Variants in VWF observed in about 807,000 individuals in gnomAD.
VWF encodes von Willebrand factor.
In VWF, 176 loss-of-function variants were observed where a neutral mutation model predicts 308.6. That is an observed-to-expected ratio of 0.57 (90% CI 0.50 to 0.65). The LOEUF (loss-of-function observed/expected upper bound fraction) is 0.65, where lower values mean the gene tolerates loss of function less well. VWF is among the 30% of genes least tolerant of loss of function. The probability of loss-of-function intolerance (pLI) is 0.00; values close to 1 mark genes in which losing one functional copy is unlikely to be tolerated. For missense variants in VWF, 3,146 were observed against 3,648.2 expected (o/e 0.86, Z 3.55); for synonymous variants, 1,385 against 1,443.4 (o/e 0.96, Z 0.92).
intron 5 of VWF, among the ~76,000 whole-genome samples, chr12:6,099,881 A>C (rs1014505440): frequency 2.1e-4 from 32 of 152,186 alleles, no homozygotes; most frequent in African/African-American, 7.5e-4. Flanking sequence ...CGAAAGCCAA[A>C]ATTGACAAAT....
At position 6,095,123 on chromosome 12, in the gene VWF, C is replaced by G. The variant is rs550133397; in HGVS notation, c.657+337G>C. 1.3e-4 allele frequency among the ~76,000 whole-genome samples: 20 copies of G among 152,158 alleles called. No homozygotes were observed. The South Asian group carries it at 4.1e-3, about 32-fold the overall frequency. ...TCAGGTCACAGCAAGAAGGTCCTTGCAAGACACTGAATGCTGGTACCTTGA... is the reference window on the plus strand; with the variant it reads ...TCAGGTCACAGCAAGAAGGTCCTTGGAAGACACTGAATGCTGGTACCTTGA... On this transcript the variant is annotated intron_variant, in intron 6 of 51. Transcript: ENST00000261405.
intron 40 of VWF, among the ~76,000 whole-genome samples, chr12:5,984,657 C>A (rs941295379): frequency 6.6e-6 from 1 of 152,224 alleles, no homozygotes; most frequent in African/African-American, 2.4e-5. Flanking sequence ...AGCATGAAAA[C>A]CTCTAGCAAA....
intron 47 of VWF, among the ~76,000 whole-genome samples, chr12:5,963,084 G>A (rs563236849): frequency 3.9e-5 from 6 of 152,072 alleles, no homozygotes; most frequent in Non-Finnish European, 7.4e-5. Flanking sequence ...TTCTTAAACA[G>A]GACATAAAAA....
At chr12:6,030,201 T>G (rs12832252) in intron 21 of VWF, among the ~76,000 whole-genome samples, 38,187 of 152,158 alleles carry the variant, frequency 0.25, 5,130 homozygotes, top group African/African-American at 0.32. Flanking sequence ...ACATATCACA[T>G]GCAGTGCAGA....
At position 6,016,823 on chromosome 12, in the gene VWF, T is replaced by C. The variant is rs770714844; in HGVS notation, c.5101A>G (p.Ser1701Gly). Residue 1701 changes from serine (S) to glycine (G), a missense_variant, in exon 29 of 52, where the codon AGT becomes GGT. By Grantham distance (56) the Ser-to-Gly change is moderately conservative. Around this residue, in one of 3 missense-constraint regions of VWF, gnomAD observed 853 missense variants for 1,177.8 expected, o/e 0.72. Transcript: ENST00000261405. Reference protein sequence around the residue: ...DVILLLDGSSSFPASYFDEMK... With the variant: ...DVILLLDGSSGFPASYFDEMK... Reference sequence around the variant, plus strand: ...TCATCAAAATAAGAAGCTGGGAAACTGGAGGAGCCATCCAGGAGAAGGATC... The same window carrying C: ...TCATCAAAATAAGAAGCTGGGAAACCGGAGGAGCCATCCAGGAGAAGGATC... 1.4e-5 allele frequency: 22 copies of C among 1,613,972 alleles called. No individual in the cohort carries two copies. Among genetic ancestry groups the C allele is most frequent in the Admixed American group, 5.0e-5 (3 of 60,004 alleles).
intron 34 of VWF, among the ~76,000 whole-genome samples, chr12:6,002,133 A>G (rs1053972807): frequency 3.3e-5 from 5 of 152,028 alleles, no homozygotes; most frequent in Non-Finnish European, 7.4e-5. Context: ...AAAATAAAAC[A>G]ATGAAAATGA....
chr12:5,976,759 C>T (rs1025536014), intron 42 of VWF, among the ~76,000 whole-genome samples: 2 of 152,170 alleles, frequency 1.3e-5, no homozygotes, highest in African/African-American at 2.4e-5. Context: ...GGACACAGAG[C>T]AGGGGATATG....
At chr12:6,036,642 A>C in intron 18 of VWF, 151 bp from the exon 19 acceptor site, 1 of 763,174 alleles carries the variant, frequency 1.3e-6, no homozygotes, top group South Asian at 1.5e-5. Context: ...AGCCAGGGGG[A>C]CAGCTTCCAC....
chr12:5,950,649 T>C (rs1478339227), intron 50 of VWF, among the ~76,000 whole-genome samples: 10 of 150,072 alleles, frequency 6.7e-5, no homozygotes. Context: ...CCAATTACAT[T>C]AAGAGGATGA....
At chr12:6,067,453 G>C (rs184334990) in intron 10 of VWF, among the ~76,000 whole-genome samples, 1 of 152,334 alleles carries the variant, frequency 6.6e-6, no homozygotes, top group African/African-American at 2.4e-5. Flanking sequence ...AAAACTTTCA[G>C]GGCCAGCATC....
intron 20 of VWF, among the ~76,000 whole-genome samples, chr12:6,032,482 CA>C (rs71929888): frequency 2.0e-5 from 3 of 149,778 alleles, no homozygotes; most frequent in Admixed American, 2.0e-4. Flanking sequence ...TACTAAAATA[CA>C]AAAAATTAGC....
At chr12:6,010,556 T>C (rs1242846794) in intron 34 of VWF, among the ~76,000 whole-genome samples, 1 of 152,238 alleles carries the variant, frequency 6.6e-6, no homozygotes, top group Admixed American at 6.5e-5. Flanking sequence ...TTCGTTCGTA[T>C]GTTCAGGTTT....
chr12:6,019,557 C>T lies in VWF; in HGVS notation c.3861G>A (p.Arg1287=), dbSNP rs542759684. The change falls in exon 28 of 52, where the codon AGG becomes AGA. Residue 1287 remains arginine, a synonymous_variant. Transcript: ENST00000261405. This position sits in a 1 kb window ranked among gnomAD's most constrained non-coding sequence, Gnocchi z 5.8. ...DLVFLLDGSS[R]LSEAEFEVLK... The stretch of plus-strand genomic sequence containing the variant: ...GCACTTCAAACTCAGCCTCGGACAG[C>T]CTGGAGGAGCCATCCAGCAGGAAGA... 1 of 1,613,958 alleles carries T rather than the reference C, an allele frequency of 6.2e-7. No homozygotes were observed. Among genetic ancestry groups the T allele is most frequent in the East Asian group, 2.2e-5 (1 of 44,864 alleles).
intron 6 of VWF, among the ~76,000 whole-genome samples, chr12:6,091,364 GT>G (rs1945033192): frequency 2.0e-5 from 3 of 152,074 alleles, no homozygotes; most frequent in Non-Finnish European, 4.4e-5. Flanking sequence ...CTCTACTTAT[GT>G]ACTTACTTAG....
chr12:6,007,183 C>T (rs1298709781), intron 34 of VWF, among the ~76,000 whole-genome samples: 1 of 152,106 alleles, frequency 6.6e-6, no homozygotes, highest in East Asian at 1.9e-4. Flanking sequence ...GATAGAAGAT[C>T]AATAAGGAAA....
chr12:6,073,623 G>T lies in VWF; in HGVS notation c.993C>A (p.Cys331Ter), dbSNP rs147924974. The T allele has an allele frequency of 1.7e-5, 28 of 1,613,952 alleles. No individual in the cohort carries two copies. The highest frequency in any genetic ancestry group is 2.7e-5 in the African/African-American group (2 of 74,922). ...ATAAAGTGGGAAGTTCATTACCAGG[G>T]CAGCTGCAGCCATCCACGCATCGCT... ...CQERCVDGCS[C>*]PEGQLLDEGL... Residue 331 changes from cysteine (C) to a stop codon, truncating the protein, a stop_gained, in exon 8 of 52, where the codon TGC (cysteine) becomes TGA (stop). Coordinates refer to ENST00000261405, the MANE Select transcript of VWF (RefSeq NM_000552.5). LOFTEE classifies it high-confidence loss of function.
intron 40 of VWF, among the ~76,000 whole-genome samples, chr12:5,983,886 A>T (rs947519533): frequency 6.6e-6 from 1 of 151,928 alleles, no homozygotes; most frequent in African/African-American, 2.4e-5. Context: ...GATACATAGG[A>T]TAGATAGAGA....
Position 6,044,309 on chromosome 12 carries a change from G to GAAGCCAGAGA in VWF, c.2423_2424insTCTCTGGCTT (p.Cys810TrpfsTer12), listed in dbSNP as rs1370519514. ...GACTCACCATGCCCGGGGGGCAGAG[G>GAAGCCAGAGA]CAGCCAGAGACACAGCCCATGCTCA... On this transcript the variant is annotated frameshift_variant, in exon 18 of 52. Coordinates refer to ENST00000261405, the MANE Select transcript of VWF (RefSeq NM_000552.5). LOFTEE classifies it high-confidence loss of function. The GAAGCCAGAGA allele has an allele frequency of 6.2e-7, 1 of 1,614,136 alleles. No individual in the cohort carries two copies. The highest frequency in any genetic ancestry group is 2.2e-5 in the East Asian group (1 of 44,886).
intron 20 of VWF, among the ~76,000 whole-genome samples, 158 bp from the exon 21 acceptor site, chr12:6,031,736 C>CG (rs946387217): frequency 1.4e-5 from 2 of 142,804 alleles, no homozygotes. Flanking sequence ...GTCTGGGGGA[C>CG]GGGGGATATG....
Sources: gnomAD v4.1 joint callset for allele counts (sites outside exome capture counted in the v4.1 genomes callset) on GRCh38, gnomAD v4.1.1 for gene constraint, gnomAD v4.1.1 regional missense constraint, Gnocchi (gnomAD v3.1) non-coding constraint, MANE v1.5 for transcripts, NCBI Gene and HGNC (gene_info 2026-07-23, HGNC 2026-07-21) for gene names.